WWC1: variants seen among roughly 807,000 people sequenced by gnomAD.
WWC1 encodes protein KIBRA.
In WWC1, 55 loss-of-function variants were observed where a neutral mutation model predicts 138.4. That is an observed-to-expected ratio of 0.40 (90% CI 0.32 to 0.50). WWC1 has a LOEUF of 0.50. WWC1 is among the 20% of genes least tolerant of loss of function. WWC1 has a pLI of 0.72. For synonymous variants in WWC1, 524 were observed against 564.9 expected, an observed-to-expected ratio of 0.93 and a Z score of 1.03; for missense variants, 1,226 against 1,420.4, an observed-to-expected ratio of 0.86 and a Z score of 2.20.
intron 5 of WWC1, among the ~76,000 whole-genome samples, chr5:168,400,819 T>TGAGA (rs150418543): frequency 1.2e-4 from 12 of 103,266 alleles, no homozygotes; most frequent in Non-Finnish European, 1.5e-4. Flanking sequence ...CTTGAAAGAA[T>TGAGA]GAGAGAGAGA....
At chr5:168,334,543 C>T (rs1773298977) in intron 1 of WWC1, among the ~76,000 whole-genome samples, 1 of 151,896 alleles carries the variant, frequency 6.6e-6, no homozygotes, top group Non-Finnish European at 1.5e-5. Context: ...AAGATCAGAC[C>T]CTCCCCCCTC....
chr5:168,295,419 G>T (rs1395196006), intron 1 of WWC1, among the ~76,000 whole-genome samples: 1 of 151,460 alleles, frequency 6.6e-6, no homozygotes, highest in Non-Finnish European at 1.5e-5. Context: ...TTCTGCCAAG[G>T]TAGTTATATC....
At chr5:168,409,736 G>T (rs1480285154) in intron 7 of WWC1, among the ~76,000 whole-genome samples, 186 bp from the exon 8 acceptor site, 1 of 152,210 alleles carries the variant, frequency 6.6e-6, no homozygotes, top group Non-Finnish European at 1.5e-5. Flanking sequence ...TCTTCCCGTG[G>T]CCTGAAGGGA....
At chr5:168,428,467 C>A (rs1781688329) in intron 12 of WWC1, among the ~76,000 whole-genome samples, 1 of 151,938 alleles carries the variant, frequency 6.6e-6, no homozygotes, top group African/African-American at 2.4e-5. Flanking sequence ...AGTCTGTAAT[C>A]CCAGCTACTT....
chr5:168,390,943 C>T (rs998474165), intron 3 of WWC1, among the ~76,000 whole-genome samples: 2 of 152,248 alleles, frequency 1.3e-5, no homozygotes, highest in African/African-American at 4.8e-5. Flanking sequence ...TGTTCCCATT[C>T]TACAGACAAG....
chr5:168,420,272 C>A (rs1780983422), intron 9 of WWC1, among the ~76,000 whole-genome samples: 1 of 152,136 alleles, frequency 6.6e-6, no homozygotes, highest in African/African-American at 2.4e-5. Context: ...AGTGGGGTTG[C>A]TTTCTTCTGA....
intron 3 of WWC1, 78 bp from the exon 4 acceptor site, chr5:168,397,646 A>G (rs1778999669): frequency 6.8e-7 from 1 of 1,477,964 alleles, no homozygotes; most frequent in Non-Finnish European, 9.4e-7. Context: ...TTCTAGGTTT[A>G]TTTAGATGGC....
At chr5:168,444,084 C>A (rs922706068) in intron 16 of WWC1, among the ~76,000 whole-genome samples, 15 of 152,332 alleles carry the variant, frequency 9.8e-5, no homozygotes, top group Admixed American at 9.8e-4. Flanking sequence ...TATCACTGTT[C>A]CGCTGTTCCC....
chr5:168,338,087 G>A (rs191002169), intron 1 of WWC1, among the ~76,000 whole-genome samples: 76 of 152,226 alleles, frequency 5.0e-4, no homozygotes, highest in Non-Finnish European at 9.7e-4. Context: ...AAGGTGGGCA[G>A]ATCACCTGAG....
At chr5:168,332,748 G>A (rs550992363) in intron 1 of WWC1, among the ~76,000 whole-genome samples, 316 of 151,046 alleles carry the variant, frequency 2.1e-3, no homozygotes, top group African/African-American at 7.1e-3. Flanking sequence ...TCACTCTGCC[G>A]CCCAGGCTGG....
intron 9 of WWC1, among the ~76,000 whole-genome samples, chr5:168,418,063 C>T (rs1334667454): frequency 6.6e-6 from 1 of 152,122 alleles, no homozygotes; most frequent in Non-Finnish European, 1.5e-5. Flanking sequence ...TCTCTGTCTC[C>T]CCTCGCTCCT....
At chr5:168,404,415 T>C (rs1779626330) in intron 5 of WWC1, among the ~76,000 whole-genome samples, 1 of 152,228 alleles carries the variant, frequency 6.6e-6, no homozygotes, top group African/African-American at 2.4e-5. Context: ...TGGAAAGGAA[T>C]AGACAGGCTA....
At chr5:168,295,049 T>C (rs989501876) in intron 1 of WWC1, among the ~76,000 whole-genome samples, 1 of 152,182 alleles carries the variant, frequency 6.6e-6, no homozygotes, top group African/African-American at 2.4e-5. Context: ...GGGGTCACTA[T>C]TGTGGTCCAG....
chr5:168,368,526 T>G (rs1220704265), intron 1 of WWC1, among the ~76,000 whole-genome samples: 4 of 152,172 alleles, frequency 2.6e-5, no homozygotes, highest in African/African-American at 7.2e-5. Flanking sequence ...TTCTGGTAGG[T>G]GGGACTTCTC....
chr5:168,328,354 GTTCTTGGGACTTGCTCTCCATGGTCAAGA>G (rs1772745701), intron 1 of WWC1, among the ~76,000 whole-genome samples: 1 of 152,148 alleles, frequency 6.6e-6, no homozygotes, highest in South Asian at 2.1e-4. Flanking sequence ...TGAACAACAA[GTTCTTGGGACTTGCTCTCCATGGTCAAGA>G]TTCTTGGTTG....
At chr5:168,393,983 T>G (rs1192232127) in intron 3 of WWC1, among the ~76,000 whole-genome samples, 4 of 152,220 alleles carry the variant, frequency 2.6e-5, no homozygotes, top group African/African-American at 4.8e-5. Context: ...GCTAGCTGAT[T>G]GCACCCTGAA....
At chr5:168,353,932 T>C (rs1775196169) in intron 1 of WWC1, among the ~76,000 whole-genome samples, 1 of 152,242 alleles carries the variant, frequency 6.6e-6, no homozygotes, top group African/African-American at 2.4e-5. Flanking sequence ...GAATGAATAG[T>C]TTGTGTGTTT....
chr5:168,317,346 C>G (rs1290308888), intron 1 of WWC1, among the ~76,000 whole-genome samples: 2 of 152,218 alleles, frequency 1.3e-5, no homozygotes. Flanking sequence ...AGCTCTCGCA[C>G]TCTCCGGGGT....
chr5:168,375,585 CT>C (rs926121653), intron 2 of WWC1, among the ~76,000 whole-genome samples: 6 of 150,592 alleles, frequency 4.0e-5, no homozygotes, highest in African/African-American at 7.3e-5. Context: ...TTCTTTTCTT[CT>C]TTTTTTTTAG....
Sources: gnomAD v4.1 joint callset for allele counts (sites outside exome capture counted in the v4.1 genomes callset) on GRCh38, gnomAD v4.1.1 for gene constraint, MANE v1.5 for transcripts, NCBI Gene and HGNC (gene_info 2026-07-23, HGNC 2026-07-21) for gene names.